Variants in MTG1 observed in about 807,000 individuals in gnomAD.
MTG1 encodes the protein mitochondrial ribosome-associated GTPase 1.
A neutral mutation model predicts 39.5 loss-of-function variants in MTG1; 30 were observed. That is an observed-to-expected ratio of 0.76 (90% CI 0.57 to 1.03). The LOEUF is 1.03. Ranked by LOEUF, MTG1 falls within the 50% of genes least tolerant of loss-of-function variation. MTG1 has a pLI of 0.00. For synonymous variants in MTG1, 217 were observed against 179.0 expected, an observed-to-expected ratio of 1.21 and a Z score of -1.69; for missense variants, 513 against 447.4, an observed-to-expected ratio of 1.15 and a Z score of -1.32.
intron 1 of MTG1, chr10:133,394,597 T>G: frequency 1.5e-6 from 2 of 1,302,494 alleles, no homozygotes; most frequent in South Asian, 4.1e-5. Flanking sequence ...ACCTCCTACC[T>G]CTGGCCCGCC....
At chr10:133,412,189 A>T (rs1471952606) in intron 9 of MTG1, among the ~76,000 whole-genome samples, 1 of 151,640 alleles carries the variant, frequency 6.6e-6, no homozygotes, top group Non-Finnish European at 1.5e-5. Context: ...TATTCTTGGC[A>T]CTGGATGTTT....
intron 9 of MTG1, among the ~76,000 whole-genome samples, chr10:133,408,490 C>T (rs1185499988): frequency 6.6e-6 from 1 of 152,186 alleles, no homozygotes; most frequent in Non-Finnish European, 1.5e-5. Context: ...CATCTGTGTT[C>T]ATCAGGGATA....
At position 133,398,412 on chromosome 10, in the gene MTG1, T is replaced by G. The variant is rs745326560; in HGVS notation, c.283-23T>G. 4 of 1,607,518 alleles carry G rather than the reference T, an allele frequency of 2.5e-6. No individual in the cohort carries two copies. In the South Asian group the frequency reaches 4.4e-5, roughly 18 times the overall value. The stretch of plus-strand genomic sequence containing the variant: ...CAAGACTCCAGTAAAAAAAGTAACA[T>G]AGAAATGTTTTGTGTCTTTCAGAAA... On this transcript the variant is annotated intron_variant, in intron 3 of 10. Transcript: ENST00000317502.
intron 9 of MTG1, among the ~76,000 whole-genome samples, chr10:133,408,698 C>T (rs923932614): frequency 1.3e-5 from 2 of 152,144 alleles, no homozygotes; most frequent in African/African-American, 2.4e-5. Context: ...TGATGAAAGA[C>T]GTTTTATTAC....
intron 3 of MTG1, among the ~76,000 whole-genome samples, chr10:133,396,851 A>T (rs56100240): frequency 1.3e-5 from 2 of 152,062 alleles, no homozygotes; most frequent in African/African-American, 4.8e-5. Context: ...CCACCAGAGG[A>T]CTCCTTGGTC....
At chr10:133,396,085 G>A in intron 2 of MTG1, 78 bp from the exon 3 acceptor site, 1 of 1,313,072 alleles carries the variant, frequency 7.6e-7, no homozygotes, top group Admixed American at 1.7e-5. Context: ...AGGATGTGAT[G>A]ATTCGTTCAC....
In MTG1 at chr10:133,402,969, A is replaced by G. The variant is rs1168164731; in HGVS notation, c.752+196A>G. ...GTGAAAGCAACACACAATCAAGAAA[A>G]CGAGCGTTCCCGTCACCCCCAGTCC... On this transcript the variant is annotated intron_variant, in intron 9 of 10. Transcript: ENST00000317502. The surrounding 1 kb of genome is among the most constrained non-coding windows in gnomAD (Gnocchi z 4.7). 4 of 530,606 alleles carry G rather than the reference A, an allele frequency of 7.5e-6. No homozygotes were observed. The highest frequency in any genetic ancestry group is 5.7e-5 in the African/African-American group (3 of 52,216). 32.9% of individuals were successfully genotyped at this position (530,606 alleles called of 1,614,324 possible).
intron 3 of MTG1, among the ~76,000 whole-genome samples, chr10:133,397,957 C>T (rs1027593029): frequency 5.6e-4 from 86 of 152,250 alleles, no homozygotes; most frequent in Admixed American, 4.0e-3. Flanking sequence ...TCTGAAGAAT[C>T]GGGAGAGAGG....
rs549439134 is a variant in MTG1, at chr10:133,422,326, C to G, written c.*2161C>G. On this transcript the variant is annotated 3_prime_UTR_variant, in exon 11 of 11. Coordinates refer to ENST00000317502, the MANE Select transcript of MTG1 (RefSeq NM_138384.4). ...AGAAGGGGCTGCCTTCAGGGAAATG[C>G]GTGCACCGTGCAGCCTGTGCTGTGC... 4 of 152,390 alleles carry G rather than the reference C, an allele frequency of 2.6e-5. No individual in the cohort carries two copies. The highest frequency in any genetic ancestry group is 5.9e-5 in the Non-Finnish European group (4 of 68,198). 9.4% of individuals were successfully genotyped at this position (152,390 alleles called of 1,614,324 possible).
chr10:133,402,845 A>C lies in MTG1; in HGVS notation c.752+72A>C, dbSNP rs1303198019. 14 of 1,138,988 alleles carry C rather than the reference A, an allele frequency of 1.2e-5. No individual in the cohort carries two copies. Among genetic ancestry groups the C allele is most frequent in the Non-Finnish European group, 1.6e-5 (13 of 800,912 alleles). 70.6% of individuals were successfully genotyped at this position (1,138,988 alleles called of 1,614,324 possible). On this transcript the variant is annotated intron_variant, in intron 9 of 10. Transcript: ENST00000317502. The surrounding 1 kb of genome is among the most constrained non-coding windows in gnomAD (Gnocchi z 4.7). ...CCTCATTTAAAAAAAAAAAACAAACAAAAAAACCCCCAGCATTATAAAGGT... is the reference window on the plus strand; with the variant it reads ...CCTCATTTAAAAAAAAAAAACAAACCAAAAAACCCCCAGCATTATAAAGGT...
intron 9 of MTG1, among the ~76,000 whole-genome samples, chr10:133,411,209 T>A (rs867105754): frequency 1.6e-4 from 23 of 141,566 alleles, no homozygotes; most frequent in Admixed American, 5.9e-4. Flanking sequence ...AGTTGACAGT[T>A]GCATTTTTTT....
At chr10:133,412,017 C>G (rs963550559) in intron 9 of MTG1, among the ~76,000 whole-genome samples, 3 of 151,990 alleles carry the variant, frequency 2.0e-5, no homozygotes, top group African/African-American at 7.3e-5. Context: ...GCACATATGT[C>G]TGTGGTTTTG....
intron 9 of MTG1, among the ~76,000 whole-genome samples, chr10:133,419,271 G>A (rs1850187204): frequency 6.6e-6 from 1 of 152,208 alleles, no homozygotes; most frequent in Non-Finnish European, 1.5e-5. Context: ...ACGAAGCTCA[G>A]GGATGATTCT....
At position 133,402,699 on chromosome 10, in the gene MTG1, G is replaced by C. The variant is rs1317409404; in HGVS notation, c.678G>C (p.Val226=). 7 of 1,606,034 alleles carry C rather than the reference G, an allele frequency of 4.4e-6. No individual in the cohort carries two copies. Among genetic ancestry groups the C allele is most frequent in the Non-Finnish European group, 5.9e-6 (7 of 1,176,696 alleles). The change falls in exon 9 of 11, where the codon GTG becomes GTC. Residue 226 remains valine (V), a synonymous_variant. Coordinates refer to ENST00000317502, the MANE Select transcript of MTG1 (RefSeq NM_138384.4). The surrounding 1 kb of genome is among the most constrained non-coding windows in gnomAD (Gnocchi z 4.7). ...TGLKLALCGT[V]LDHLVGEETM... ...CGGCTGCTGCTTCCACAGGAACGGT[G>C]CTGGACCACCTGGTCGGGGAGGAGA...
At chr10:133,394,828 A>G (rs1849756695) in intron 1 of MTG1, 3 of 837,648 alleles carry the variant, frequency 3.6e-6, no homozygotes, top group Non-Finnish European at 4.3e-6. Flanking sequence ...CGGCCCCAAG[A>G]AGACCTCTGG....
At chr10:133,418,790 G>T (rs1850175776) in intron 9 of MTG1, among the ~76,000 whole-genome samples, 1 of 152,188 alleles carries the variant, frequency 6.6e-6, no homozygotes, top group African/African-American at 2.4e-5. Context: ...GTTGGGTCTG[G>T]GTTAGTCGGG....
Position 133,398,419 on chromosome 10 carries a change from G to A in MTG1, c.283-16G>A, listed in dbSNP as rs1589909312. The A allele has an allele frequency of 6.2e-7, 1 of 1,610,114 alleles. No homozygotes were observed. Among genetic ancestry groups the A allele is most frequent in the Non-Finnish European group, 8.5e-7 (1 of 1,178,790 alleles). On this transcript the variant is annotated splice_polypyrimidine_tract_variant and intron_variant, in intron 3 of 10. Transcript: ENST00000317502. The stretch of plus-strand genomic sequence containing the variant: ...CCAGTAAAAAAAGTAACATAGAAAT[G>A]TTTTGTGTCTTTCAGAAAATTATGC...
At chr10:133,398,545 G>A (rs748786657) in intron 4 of MTG1, 30 bp downstream of exon 4, 95 of 1,596,310 alleles carry the variant, frequency 6.0e-5, no homozygotes, top group South Asian at 1.6e-4. Flanking sequence ...TCTCTCTGAC[G>A]CTTCTGCTTC....
At chr10:133,407,315 T>C (rs1328037733) in intron 9 of MTG1, among the ~76,000 whole-genome samples, 1 of 152,224 alleles carries the variant, frequency 6.6e-6, no homozygotes, top group Non-Finnish European at 1.5e-5. Flanking sequence ...ATTGTTTTTC[T>C]ATTTCTTTGC....
Sources: allele counts gnomAD v4.1 joint callset (sites outside exome capture counted in the v4.1 genomes callset), GRCh38; gene constraint gnomAD v4.1.1; non-coding constraint Gnocchi (gnomAD v3.1); transcripts MANE v1.5; gene names NCBI Gene and HGNC (gene_info 2026-07-23, HGNC 2026-07-21).